Variants in ESCO2 observed in about 807,000 individuals in gnomAD.
The protein encoded by ESCO2 is N-acetyltransferase ESCO2.
ESCO2 carries 51 observed loss-of-function variants against 61.7 expected under a neutral mutation model. The ratio of observed to expected loss-of-function variants is 0.83; its 90% CI spans 0.66 to 1.04. The LOEUF is 1.04. Among genes scored for constraint, ESCO2 ranks in the 50% least tolerant of loss-of-function variants. The pLI is 0.00. For missense variants in ESCO2, 692 were observed against 686.2 expected (o/e 1.01, Z -0.09); for synonymous variants, 230 against 238.2 (o/e 0.97, Z 0.32).
In ESCO2 at chr8:27,788,908, C is replaced by T. The variant is rs999693515; in HGVS notation, c.1193C>T (p.Ala398Val). Reference protein sequence around the residue: ...VCKSCGMIYTASNPEDEMQHV... With the variant: ...VCKSCGMIYTVSNPEDEMQHV... ...AAGTCTTGTGGTATGATATATACTG[C>T]TTCCAACCCTGAAGATGAAATGCAG... The change falls in exon 7 of 11, where the codon GCT becomes GTT. Residue 398 changes from alanine (A) to valine (V), a missense_variant. By Grantham distance (64) the Ala-to-Val change is moderately conservative. Coordinates refer to ENST00000305188, the MANE Select transcript of ESCO2 (RefSeq NM_001017420.3). 5.6e-6 allele frequency: 9 copies of T among 1,613,996 alleles called. No homozygotes were observed. In the African/African-American group the frequency reaches 1.1e-4, roughly 19 times the overall value.
chr8:27,781,147 C>T (rs1285696783), intron 4 of ESCO2, among the ~76,000 whole-genome samples: 1 of 151,770 alleles, frequency 6.6e-6, no homozygotes, highest in Admixed American at 6.6e-5. Flanking sequence ...ATAAAAAGAC[C>T]AAAACTTTAT....
At chr8:27,790,718 A>G (rs1411446312) in intron 7 of ESCO2, among the ~76,000 whole-genome samples, 2 of 152,174 alleles carry the variant, frequency 1.3e-5, no homozygotes, top group Non-Finnish European at 2.9e-5. Flanking sequence ...TTCAAGACAT[A>G]GTGTTAGAGA....
At chr8:27,786,706 C>A (rs1805050007) in intron 5 of ESCO2, among the ~76,000 whole-genome samples, 1 of 151,314 alleles carries the variant, frequency 6.6e-6, no homozygotes. Context: ...TTTGTCAAGT[C>A]AGTTTGAAAA....
At chr8:27,816,362 T>TATATATATATATATATATA (rs1491202470), downstream of ESCO2, among the ~76,000 whole-genome samples, 2 of 130,250 alleles carry the variant, frequency 1.5e-5, no homozygotes, top group Non-Finnish European at 3.2e-5. Context: ...TATATATTTA[T>TATATATATATATATATATA]TTATTTATTT....
chr8:27,809,467 A>T (rs1484104176), downstream of ESCO2, among the ~76,000 whole-genome samples: 1 of 152,172 alleles, frequency 6.6e-6, no homozygotes, highest in Non-Finnish European at 1.5e-5. Context: ...GTAATTTGGA[A>T]AATTCCCAGG....
chr8:27,789,950 A>C (rs147940590), intron 7 of ESCO2, among the ~76,000 whole-genome samples: 2 of 152,346 alleles, frequency 1.3e-5, no homozygotes, highest in East Asian at 3.9e-4. Context: ...GTATGTGTGT[A>C]GTTTAAATTC....
downstream of ESCO2, among the ~76,000 whole-genome samples, chr8:27,813,334 G>A (rs1805735348): frequency 6.6e-6 from 1 of 152,046 alleles, no homozygotes; most frequent in Admixed American, 6.6e-5. Context: ...AGGGGGGAGG[G>A]ATAGCATTAG....
At chr8:27,788,800 T>C in intron 6 of ESCO2, 47 bp from the exon 7 acceptor site, 9 of 1,611,740 alleles carry the variant, frequency 5.6e-6, no homozygotes, top group Non-Finnish European at 6.8e-6. Flanking sequence ...TTTAGAGCTA[T>C]TTGTGCTATA....
At position 27,803,834 on chromosome 8, in the gene ESCO2, CA is replaced by C. The variant is rs1426286343; in HGVS notation, c.*397del. 1.0e-6 allele frequency: 1 copy of C among 990,376 alleles called. No individual in the cohort carries two copies. Among genetic ancestry groups the C allele is most frequent in the African/African-American group, 1.7e-5 (1 of 57,290 alleles). 61.3% of individuals were successfully genotyped at this position (990,376 alleles called of 1,614,324 possible). A position where few individuals can be genotyped will look rare whatever the true frequency, so the allele number is the denominator to read the frequency against. On this transcript the variant is annotated 3_prime_UTR_variant, in exon 11 of 11. Coordinates refer to ENST00000305188, the MANE Select transcript of ESCO2 (RefSeq NM_001017420.3). Reference sequence around the variant, plus strand: ...AGACCAGGATTATCTAATGCCACATCAGAAGCAAACAGGCAAATTTAAACTT... The same window carrying C: ...AGACCAGGATTATCTAATGCCACATCGAAGCAAACAGGCAAATTTAAACTT...
At chr8:27,809,159 CAG>C (rs1292113873), downstream of ESCO2, among the ~76,000 whole-genome samples, 1 of 152,108 alleles carries the variant, frequency 6.6e-6, no homozygotes, top group Non-Finnish European at 1.5e-5. Context: ...TGACACATGT[CAG>C]AGTGAGGATA....
chr8:27,772,427 G>C (rs1475315169), upstream of ESCO2: 1 of 1,366,706 alleles, frequency 7.3e-7, no homozygotes, highest in Non-Finnish European at 1.0e-6. Flanking sequence ...ATTTTAGAGC[G>C]AGGGTCAGGC....
At chr8:27,782,562 AATCTT>A (rs1287048917) in intron 4 of ESCO2, among the ~76,000 whole-genome samples, 5 of 152,106 alleles carry the variant, frequency 3.3e-5, no homozygotes. Context: ...GGTTGAGATG[AATCTT>A]ATCTAATTCA....
downstream of ESCO2, among the ~76,000 whole-genome samples, chr8:27,813,926 A>T (rs982004920): frequency 6.6e-5 from 10 of 151,432 alleles, no homozygotes; most frequent in Non-Finnish European, 1.3e-4. Context: ...TTATCAGTTT[A>T]TTTTTCTGTG....
At chr8:27,807,338 T>C (rs1279361860), downstream of ESCO2, among the ~76,000 whole-genome samples, 1 of 152,232 alleles carries the variant, frequency 6.6e-6, no homozygotes, top group East Asian at 1.9e-4. Context: ...ACTCAGATTT[T>C]ATAAAAAGTC....
At chr8:27,780,149 G>GTT in intron 3 of ESCO2, 25 bp from the exon 4 acceptor site, 15 of 1,281,646 alleles carry the variant, frequency 1.2e-5, no homozygotes, top group Middle Eastern at 1.9e-4. Flanking sequence ...CAGATGTTTG[G>GTT]TTTTTTTTTT....
intron 5 of ESCO2, among the ~76,000 whole-genome samples, 171 bp downstream of exon 5, chr8:27,784,228 C>T (rs1196187316): frequency 2.6e-5 from 4 of 151,896 alleles, no homozygotes; most frequent in Non-Finnish European, 5.9e-5. Context: ...CTCATAGAAA[C>T]ATCATAAGAA....
intron 10 of ESCO2, among the ~76,000 whole-genome samples, chr8:27,802,820 C>T (rs1480742945): frequency 6.7e-6 from 1 of 150,014 alleles, no homozygotes; most frequent in Non-Finnish European, 1.5e-5. Flanking sequence ...GATATCGGCT[C>T]ACTGCAACCT....
At chr8:27,802,133 GATTA>G (rs71222515) in intron 10 of ESCO2, among the ~76,000 whole-genome samples, 56,848 of 147,060 alleles carry the variant, frequency 0.39, 11,507 homozygotes, top group East Asian at 0.67. Flanking sequence ...CCTCAATTTT[GATTA>G]ATTCTTTTTT....
Position 27,803,739 on chromosome 8 carries a change from T to C in ESCO2, c.*301T>C. 1 of 1,144,170 alleles carries C rather than the reference T, an allele frequency of 8.7e-7. No homozygotes were observed. Among genetic ancestry groups the C allele is most frequent in the South Asian group, 2.4e-5 (1 of 41,226 alleles). 70.9% of individuals were successfully genotyped at this position (1,144,170 alleles called of 1,614,324 possible). On this transcript the variant is annotated 3_prime_UTR_variant, in exon 11 of 11. Transcript: ENST00000305188. ...ATAACTGGAAAATTACCTGACTCTT[T>C]GTAAGAGTATTAAATACAAAGTGAT...
Sources: allele counts gnomAD v4.1 joint callset (sites outside exome capture counted in the v4.1 genomes callset), GRCh38; gene constraint gnomAD v4.1.1; transcripts MANE v1.5; gene names NCBI Gene and HGNC (gene_info 2026-07-23, HGNC 2026-07-21).